Variants in ZNF626 observed in about 807,000 individuals in gnomAD.
The protein encoded by ZNF626 is zinc finger protein 626.
In ZNF626, 4 loss-of-function variants were observed where a neutral mutation model predicts 11.7. That is an observed-to-expected ratio of 0.34 (90% confidence interval 0.17 to 0.78). The LOEUF (loss-of-function observed/expected upper bound fraction) is 0.78. ZNF626 is among the 30% of genes least tolerant of loss of function. The probability of loss-of-function intolerance (pLI) is 0.57; values close to 1 mark genes in which losing one functional copy is unlikely to be tolerated. For synonymous variants in ZNF626, 179 were observed against 198.6 expected, an observed-to-expected ratio of 0.90 and a Z score of 0.83; for missense variants, 588 against 587.1, an observed-to-expected ratio of 1.00 and a Z score of -0.01.
intron 3 of ZNF626, among the ~76,000 whole-genome samples, chr19:20,642,548 A>T (rs1970034652): frequency 6.6e-6 from 1 of 152,144 alleles, no homozygotes; most frequent in Non-Finnish European, 1.5e-5. Context: ...GTGAGCTGAG[A>T]TCGCGCCAGT....
intron 3 of ZNF626, among the ~76,000 whole-genome samples, chr19:20,638,908 T>C (rs1169898135): frequency 6.6e-6 from 1 of 152,050 alleles, no homozygotes; most frequent in East Asian, 1.9e-4. Flanking sequence ...TAGAAAACAT[T>C]ATAGACTATG....
chr19:20,638,512 A>G (rs1969990113), intron 3 of ZNF626, among the ~76,000 whole-genome samples: 1 of 151,692 alleles, frequency 6.6e-6, no homozygotes, highest in Non-Finnish European at 1.5e-5. Context: ...AAAAGCAATC[A>G]GTATGCTGCC....
At chr19:20,639,736 A>G (rs782311240) in intron 3 of ZNF626, among the ~76,000 whole-genome samples, 4 of 152,204 alleles carry the variant, frequency 2.6e-5, no homozygotes, top group Non-Finnish European at 5.9e-5. Context: ...TCTTGCCTCA[A>G]AACAACAAAA....
At chr19:20,646,988 C>CGTAA (rs1229459114) in intron 1 of ZNF626, among the ~76,000 whole-genome samples, 1 of 152,012 alleles carries the variant, frequency 6.6e-6, no homozygotes, top group Non-Finnish European at 1.5e-5. Flanking sequence ...GCTGGGATTA[C>CGTAA]AGACATGCAT....
chr19:20,625,063 G>A lies in ZNF626; in HGVS notation c.814C>T (p.Leu272Phe). ...CGKAFMSSST[L>F]SKHEIIHTEK... The stretch of plus-strand genomic sequence containing the variant: ...GTATGAATTATCTCATGTTTACTAA[G>A]GGTTGAGGATGACATAAAGGCTTTG... Residue 272 changes from leucine to phenylalanine, a missense_variant, in exon 4 of 4, where the codon CTT becomes TTT. By Grantham distance (22) the Leu-to-Phe change is conservative (BLOSUM62 0). Around this residue, in one of 4 missense-constraint regions of ZNF626, gnomAD observed 524 missense variants for 470.1 expected, o/e 1.11. Transcript: ENST00000601440. 6.2e-7 allele frequency: 1 copy of A among 1,613,616 alleles called. No individual in the cohort carries two copies. Among genetic ancestry groups the A allele is most frequent in the Non-Finnish European group, 8.5e-7 (1 of 1,179,868 alleles).
At position 20,661,555 on chromosome 19, in the gene ZNF626, T is replaced by C. The variant is rs7253399; in HGVS notation, c.-109A>G. 26,763 of 1,288,870 alleles carry C rather than the reference T, an allele frequency of 0.021. 3,898 individuals are homozygous for C. In the African/African-American group the frequency reaches 0.33, roughly 16 times the overall value. 79.8% of individuals were successfully genotyped at this position (1,288,870 alleles called of 1,614,324 possible). A position where few individuals can be genotyped will look rare whatever the true frequency, so the allele number is the denominator to read the frequency against. On this transcript the variant is annotated 5_prime_UTR_variant, in exon 1 of 4. Coordinates refer to ENST00000601440, the MANE Select transcript of ZNF626 (RefSeq NM_001076675.3). ...AGGAGAAGAACCAGACCTGGAGCTC[T>C]GACTGCAGCGAGAGACAAAGGCCGC...
Position 20,622,454 on chromosome 19 carries a change from G to A in ZNF626, c.*1836C>T, listed in dbSNP as rs782266365. 6.6e-6 allele frequency: 1 copy of A among 152,020 alleles called. No homozygotes were observed. Among genetic ancestry groups the A allele is most frequent in the African/African-American group, 2.4e-5 (1 of 41,392 alleles). 9.4% of individuals were successfully genotyped at this position (152,020 alleles called of 1,614,324 possible). ...CATCTTACATTTTAATGTCCTTACT[G>A]TTTTATAGAAAAGGTCATAAAGAAT... On this transcript the variant is annotated 3_prime_UTR_variant, in exon 4 of 4. Transcript: ENST00000601440.
chr19:20,629,894 A>G (rs530014237), intron 3 of ZNF626, among the ~76,000 whole-genome samples: 17 of 152,238 alleles, frequency 1.1e-4, no homozygotes, highest in Non-Finnish European at 2.2e-4. Context: ...TTGCCCGTTC[A>G]GTATGATATT....
chr19:20,638,952 G>A (rs2144777683), intron 3 of ZNF626, among the ~76,000 whole-genome samples: 1 of 152,236 alleles, frequency 6.6e-6, no homozygotes, highest in African/African-American at 2.4e-5. Flanking sequence ...ATAATTGAGA[G>A]TACGTTATTT....
At chr19:20,631,131 C>T (rs1243845357) in intron 3 of ZNF626, among the ~76,000 whole-genome samples, 3 of 152,116 alleles carry the variant, frequency 2.0e-5, no homozygotes, top group Admixed American at 6.6e-5. Context: ...GCACTGTGGT[C>T]TGAGAGACAG....
At chr19:20,634,292 T>TA (rs1486837926) in intron 3 of ZNF626, among the ~76,000 whole-genome samples, 1 of 149,422 alleles carries the variant, frequency 6.7e-6, no homozygotes, top group African/African-American at 2.5e-5. Flanking sequence ...TAGAAGGCAG[T>TA]AAAAAAACAA....
At chr19:20,647,957 G>A (rs982127317) in intron 1 of ZNF626, among the ~76,000 whole-genome samples, 5 of 151,904 alleles carry the variant, frequency 3.3e-5, no homozygotes, top group African/African-American at 4.8e-5. Flanking sequence ...GCGGCGGGAG[G>A]ATCACAAGGT....
chr19:20,639,553 C>T (rs1568458511), intron 3 of ZNF626, among the ~76,000 whole-genome samples: 1 of 152,098 alleles, frequency 6.6e-6, no homozygotes, highest in East Asian at 1.9e-4. Flanking sequence ...GCCTGGGCAA[C>T]GTAGTCAGAT....
At chr19:20,638,245 A>G (rs1270610984) in intron 3 of ZNF626, among the ~76,000 whole-genome samples, 1 of 152,072 alleles carries the variant, frequency 6.6e-6, no homozygotes, top group Non-Finnish European at 1.5e-5. Flanking sequence ...CAACACGGTG[A>G]AACCCTGTCT....
chr19:20,647,951 C>T (rs1182733485), intron 1 of ZNF626, among the ~76,000 whole-genome samples: 1 of 151,808 alleles, frequency 6.6e-6, no homozygotes, highest in African/African-American at 2.4e-5. Flanking sequence ...GAGGCTGCGG[C>T]GGGAGGATCA....
At chr19:20,626,737 G>A (rs1363097188) in intron 3 of ZNF626, among the ~76,000 whole-genome samples, 2 of 151,900 alleles carry the variant, frequency 1.3e-5, no homozygotes, top group Non-Finnish European at 2.9e-5. Flanking sequence ...AAAATAGGCT[G>A]GGCGCAATGG....
rs1969768929 is a variant in ZNF626 at position 20,622,505 on chromosome 19, A to C, written c.*1785T>G. ...GCCCAACTCATAAAGAATCTCTAAT[A>C]TCTCTGATGCAGCAACAATTGATCA... On this transcript the variant is annotated 3_prime_UTR_variant, in exon 4 of 4. Coordinates refer to ENST00000601440, the MANE Select transcript of ZNF626 (RefSeq NM_001076675.3). 1 of 152,178 alleles carries C rather than the reference A, an allele frequency of 6.6e-6. No homozygotes were observed. Among genetic ancestry groups the C allele is most frequent in the South Asian group, 2.1e-4 (1 of 4,824 alleles). The allele number at this position is 152,178 out of a possible 1,614,324, so 9.4% of individuals were successfully genotyped here.
intron 1 of ZNF626, among the ~76,000 whole-genome samples, chr19:20,650,223 T>C (rs2144788949): frequency 6.6e-6 from 1 of 151,454 alleles, no homozygotes; most frequent in African/African-American, 2.4e-5. Context: ...TTGCTTCTTC[T>C]GTTTCTCTGC....
rs1444693278 is a variant in ZNF626, at chr19:20,635,471, C to T, written c.227-9821G>A. 4.6e-5 allele frequency among the ~76,000 whole-genome samples: 7 copies of T among 152,124 alleles called. 1 individual carries two copies. Among genetic ancestry groups the T allele is most frequent in the South Asian group, 2.1e-4 (1 of 4,818 alleles). On this transcript the variant is annotated intron_variant, in intron 3 of 3. Coordinates refer to ENST00000601440, the MANE Select transcript of ZNF626 (RefSeq NM_001076675.3). ...CTCAGTAGCTGGAATTACAGGTGAT[C>T]ACCACCACGCCTGGCTAATTTTTTG...
Sources: gnomAD v4.1 joint callset for allele counts (sites outside exome capture counted in the v4.1 genomes callset) on GRCh38, gnomAD v4.1.1 for gene constraint, gnomAD v4.1.1 regional missense constraint, MANE v1.5 for transcripts, NCBI Gene and HGNC (gene_info 2026-07-23, HGNC 2026-07-21) for gene names.